GLDC: variants seen among roughly 807,000 people sequenced by gnomAD.
GLDC encodes the protein glycine dehydrogenase (decarboxylating), mitochondrial.
Under a neutral mutation model 121.3 loss-of-function variants are expected in GLDC, and 104 were observed. That is an observed-to-expected ratio of 0.86 (90% CI 0.73 to 1.01). The LOEUF (loss-of-function observed/expected upper bound fraction) is 1.01. Among genes scored for constraint, GLDC ranks in the 50% least tolerant of loss-of-function variants. The pLI is 0.00. For synonymous variants in GLDC, 546 were observed against 480.6 expected (o/e 1.14, Z -1.78); for missense variants, 1,429 against 1,306.6 (o/e 1.09, Z -1.44).
chr9:6,567,426 G>A (rs907942872), intron 15 of GLDC: 52 of 152,272 alleles, frequency 3.4e-4, no homozygotes, highest in African/African-American at 1.1e-3. Flanking sequence ...GTAAAATGGG[G>A]ATAGTAACAG....
At chr9:6,632,054 A>G (rs1819393104) in intron 2 of GLDC, among the ~76,000 whole-genome samples, 1 of 152,214 alleles carries the variant, frequency 6.6e-6, no homozygotes, top group Non-Finnish European at 1.5e-5. Context: ...AGTGACAGTG[A>G]GACCCTGCCT....
rs386833561 is a variant in GLDC at position 6,550,853 on chromosome 9, A to T, written c.2519T>A (p.Met840Lys). The change falls in exon 21 of 25, where the codon ATG (methionine) becomes AAG (lysine). Residue 840 changes from methionine (M) to lysine (K), a missense_variant. Met to Lys is a moderately conservative substitution (Grantham distance 95). Coordinates refer to ENST00000321612, the MANE Select transcript of GLDC (RefSeq NM_000170.3). ...TETAILNANY[M>K]AKRLETHYRI... is the part of the protein sequence containing the mutation. ...GTAGTGTGTTTCTAATCGCTTGGCC[A>T]TGTAGTTGGCATTTAATATCGCAGT... 6.2e-6 allele frequency: 10 copies of T among 1,613,902 alleles called. No individual in the cohort carries two copies. Among genetic ancestry groups the T allele is most frequent in the Non-Finnish European group, 8.5e-6 (10 of 1,179,784 alleles).
intron 15 of GLDC, among the ~76,000 whole-genome samples, chr9:6,570,580 A>G (rs770201527): frequency 2.7e-4 from 41 of 152,140 alleles, no homozygotes; most frequent in Non-Finnish European, 2.6e-4. Context: ...TTGACCAGGC[A>G]TGGTGGCTCA....
chr9:6,559,275 G>A (rs1400675823), intron 16 of GLDC, among the ~76,000 whole-genome samples: 1 of 152,130 alleles, frequency 6.6e-6, no homozygotes, highest in Non-Finnish European at 1.5e-5. Flanking sequence ...AGCACTTTGG[G>A]AGGCCGAGGC....
chr9:6,563,705 A>G (rs1817800719), intron 16 of GLDC, among the ~76,000 whole-genome samples: 3 of 152,232 alleles, frequency 2.0e-5, no homozygotes, highest in African/African-American at 7.2e-5. Context: ...ACGAATGAAC[A>G]AACTGTGGGG....
intron 21 of GLDC, chr9:6,540,375 C>A (rs564644994): frequency 2.1e-4 from 110 of 515,176 alleles, no homozygotes; most frequent in African/African-American, 2.0e-3. Flanking sequence ...ATCTTCAGCT[C>A]ACTACACACC....
At chr9:6,559,135 A>G (rs1817693655) in intron 16 of GLDC, among the ~76,000 whole-genome samples, 1 of 152,208 alleles carries the variant, frequency 6.6e-6, no homozygotes, top group Non-Finnish European at 1.5e-5. Context: ...TCCCAGTACC[A>G]ATACACCAAT....
chr9:6,572,776 T>C (rs1817990956), intron 15 of GLDC, among the ~76,000 whole-genome samples: 1 of 152,216 alleles, frequency 6.6e-6, no homozygotes, highest in African/African-American at 2.4e-5. Flanking sequence ...ATCAACTCTG[T>C]GAACTGCCCA....
At chr9:6,544,810 G>A (rs567609306) in intron 21 of GLDC, among the ~76,000 whole-genome samples, 1 of 152,050 alleles carries the variant, frequency 6.6e-6, no homozygotes, top group Non-Finnish European at 1.5e-5. Context: ...CCTTTAAAAT[G>A]TATCAACTTG....
intron 3 of GLDC, among the ~76,000 whole-genome samples, chr9:6,618,820 C>G (rs897270343): frequency 6.6e-6 from 1 of 152,002 alleles, no homozygotes; most frequent in Admixed American, 6.6e-5. Context: ...GAGACAGACA[C>G]AGATGAACAC....
chr9:6,605,461 T>C (rs747365723), intron 5 of GLDC, 183 bp from the exon 6 acceptor site: 2 of 657,540 alleles, frequency 3.0e-6, no homozygotes, highest in Non-Finnish European at 5.5e-6. Context: ...CTCAAGCGCA[T>C]CCAACAGCTC....
chr9:6,546,905 T>C (rs1433580195), intron 21 of GLDC, among the ~76,000 whole-genome samples: 1 of 151,958 alleles, frequency 6.6e-6, no homozygotes, highest in Non-Finnish European at 1.5e-5. Context: ...GAGGTTGCAG[T>C]GAGCCAACAT....
intron 2 of GLDC, among the ~76,000 whole-genome samples, chr9:6,622,360 G>C (rs1029889022): frequency 2.7e-5 from 4 of 149,066 alleles, no homozygotes; most frequent in Admixed American, 6.7e-5. Context: ...TCCTGCCTCA[G>C]CCTGACGAGT....
intron 22 of GLDC, among the ~76,000 whole-genome samples, chr9:6,538,642 C>A (rs571833968): frequency 6.6e-6 from 1 of 152,174 alleles, no homozygotes; most frequent in South Asian, 2.1e-4. Flanking sequence ...ATCTTCAAAA[C>A]AACATTGAGG....
intron 19 of GLDC, 114 bp from the exon 20 acceptor site, chr9:6,553,623 G>A (rs1011433829): frequency 9.0e-5 from 87 of 964,068 alleles, no homozygotes; most frequent in Non-Finnish European, 1.4e-4. Context: ...CTCTGACAGT[G>A]GAAGGGACTC....
chr9:6,563,787 G>C (rs531694446), intron 16 of GLDC, among the ~76,000 whole-genome samples: 4 of 152,260 alleles, frequency 2.6e-5, no homozygotes, highest in East Asian at 3.9e-4. Context: ...TCCTTGACCA[G>C]GGTTTAATCA....
intron 3 of GLDC, among the ~76,000 whole-genome samples, chr9:6,619,392 G>C (rs929233667): frequency 6.6e-6 from 1 of 151,868 alleles, no homozygotes; most frequent in Non-Finnish European, 1.5e-5. Context: ...AATTTTGGGG[G>C]TGGGAGGGGA....
intron 12 of GLDC, 85 bp downstream of exon 12, chr9:6,589,110 A>G (rs1335605986): frequency 3.5e-6 from 3 of 851,858 alleles, no homozygotes; most frequent in Non-Finnish European, 6.2e-6. Context: ...AGGCCACAGC[A>G]GGCGAAATCA....
intron 22 of GLDC, among the ~76,000 whole-genome samples, chr9:6,537,609 C>T (rs770017100): frequency 1.1e-4 from 17 of 152,236 alleles, no homozygotes; most frequent in Non-Finnish European, 1.8e-4. Context: ...GGCAAAACCC[C>T]GTCTCTACAA....
Sources: gnomAD v4.1 joint callset for allele counts (sites outside exome capture counted in the v4.1 genomes callset) on GRCh38, gnomAD v4.1.1 for gene constraint, MANE v1.5 for transcripts, NCBI Gene and HGNC (gene_info 2026-07-23, HGNC 2026-07-21) for gene names.